Variants in GRXCR1 observed in about 807,000 individuals in gnomAD.
GRXCR1 encodes glutaredoxin domain-containing cysteine-rich protein 1.
In GRXCR1, 27 loss-of-function variants were observed where a neutral mutation model predicts 27.3. The ratio of observed to expected loss-of-function variants is 0.99; its 90% CI spans 0.73 to 1.37. GRXCR1 has a LOEUF of 1.37. GRXCR1 is among the 40% of genes most tolerant of loss of function. The pLI is 0.00. For synonymous variants in GRXCR1, 122 were observed against 131.1 expected (o/e 0.93, Z 0.47); for missense variants, 379 against 354.4 (o/e 1.07, Z -0.56).
chr4:42,967,230 T>C (rs114425570), intron 2 of GRXCR1, among the ~76,000 whole-genome samples: 1,613 of 152,192 alleles, frequency 0.011, 14 homozygotes, highest in Non-Finnish European at 0.015. Context: ...GAAGGAATAA[T>C]GTTTGTGTCT....
At chr4:42,944,052 G>A (rs1040419782) in intron 1 of GRXCR1, among the ~76,000 whole-genome samples, 16 of 152,122 alleles carry the variant, frequency 1.1e-4, no homozygotes, top group African/African-American at 2.2e-4. Context: ...ATTGTAACAC[G>A]TTTGGCAATA....
At chr4:42,966,034 G>A (rs1748230335) in intron 2 of GRXCR1, among the ~76,000 whole-genome samples, 1 of 151,266 alleles carries the variant, frequency 6.6e-6, no homozygotes, top group African/African-American at 2.4e-5. Context: ...TGGAAGCAAT[G>A]AAACAGTCAA....
Position 42,991,130 on chromosome 4 carries a change from C to T in GRXCR1, c.627+27996C>T, listed in dbSNP as rs1711958086. On this transcript the variant is annotated intron_variant, in intron 2 of 3. Coordinates refer to ENST00000399770, the MANE Select transcript of GRXCR1 (RefSeq NM_001080476.3). ...TCGTTGTAAATGAATACTCAGATGG[C>T]CCACTTCACAGCTGCCAGTATTTTA... Among the ~76,000 whole-genome samples, 4 of 152,104 alleles carry T rather than the reference C, an allele frequency of 2.6e-5. No homozygotes were observed. The South Asian group carries it at 8.3e-4, about 32-fold the overall frequency.
intron 1 of GRXCR1, among the ~76,000 whole-genome samples, chr4:42,913,868 C>A (rs1004812734): frequency 2.6e-5 from 4 of 152,134 alleles, no homozygotes; most frequent in African/African-American, 4.8e-5. Context: ...TCCAGTGAGG[C>A]TAAAAGGGGT....
At chr4:42,947,387 G>C (rs1431425935) in intron 1 of GRXCR1, among the ~76,000 whole-genome samples, 1 of 152,084 alleles carries the variant, frequency 6.6e-6, no homozygotes, top group Non-Finnish European at 1.5e-5. Flanking sequence ...AAGCAAGTTA[G>C]AAATCTCCCT....
At chr4:42,912,823 A>G (rs1746754810) in intron 1 of GRXCR1, among the ~76,000 whole-genome samples, 1 of 152,130 alleles carries the variant, frequency 6.6e-6, no homozygotes, top group Non-Finnish European at 1.5e-5. Context: ...TTGCACCTCG[A>G]ATTGTAATAA....
chr4:42,936,019 T>C (rs1470780070), intron 1 of GRXCR1, among the ~76,000 whole-genome samples: 1 of 151,948 alleles, frequency 6.6e-6, no homozygotes, highest in Non-Finnish European at 1.5e-5. Context: ...TTTGTCACTT[T>C]ATGTAATTTA....
In GRXCR1 at chr4:42,947,324, C is replaced by T. The variant is rs547692972; in HGVS notation, c.385-15568C>T. On this transcript the variant is annotated intron_variant, in intron 1 of 3. Coordinates refer to ENST00000399770, the MANE Select transcript of GRXCR1 (RefSeq NM_001080476.3). ...AGACATGTCAGGGAAAACTTAGGGA[C>T]GAGGGATGTTGTATTTGCCAATGGG... is the stretch of plus-strand genomic sequence containing the variant. Among the ~76,000 whole-genome samples, 16 of 152,044 alleles carry T rather than the reference C, an allele frequency of 1.1e-4. No homozygotes were observed. In the East Asian group the frequency reaches 1.2e-3, roughly 11 times the overall value.
chr4:42,983,140 T>C (rs1577931286), intron 2 of GRXCR1, among the ~76,000 whole-genome samples: 1 of 150,958 alleles, frequency 6.6e-6, no homozygotes, highest in South Asian at 2.1e-4. Flanking sequence ...CATGCCTATG[T>C]CCTGAATGGT....
At chr4:42,897,674 A>G (rs1746375116) in intron 1 of GRXCR1, among the ~76,000 whole-genome samples, 1 of 152,106 alleles carries the variant, frequency 6.6e-6, no homozygotes, top group Admixed American at 6.6e-5. Context: ...TTTTGCTGCT[A>G]AGAACAAAGT....
intron 1 of GRXCR1, among the ~76,000 whole-genome samples, chr4:42,911,930 G>T (rs1746730062): frequency 6.6e-6 from 1 of 152,160 alleles, no homozygotes. Context: ...GAGGGGATTA[G>T]TTTACTTGCA....
intron 2 of GRXCR1, among the ~76,000 whole-genome samples, chr4:43,016,188 T>C (rs1399387559): frequency 1.3e-5 from 2 of 152,226 alleles, no homozygotes; most frequent in African/African-American, 2.4e-5. Flanking sequence ...GTCTCACCTA[T>C]GTTCCTTCCA....
chr4:42,958,537 G>A (rs986042092), intron 1 of GRXCR1, among the ~76,000 whole-genome samples: 1 of 151,804 alleles, frequency 6.6e-6, no homozygotes, highest in Non-Finnish European at 1.5e-5. Context: ...CAAAACACAG[G>A]TAATGCAAGG....
chr4:43,020,509 C>T (rs879410526), intron 3 of GRXCR1, 90 bp downstream of exon 3: 3 of 835,716 alleles, frequency 3.6e-6, no homozygotes, highest in Non-Finnish European at 6.2e-6. Flanking sequence ...AATTCTCTCT[C>T]CCCATGTTCT....
At chr4:42,972,876 A>C (rs980739010) in intron 2 of GRXCR1, among the ~76,000 whole-genome samples, 1 of 152,148 alleles carries the variant, frequency 6.6e-6, no homozygotes, top group Non-Finnish European at 1.5e-5. Context: ...GCATATTTAC[A>C]TGCTGAATTA....
chr4:42,937,715 A>G (rs913583145), intron 1 of GRXCR1, among the ~76,000 whole-genome samples: 1 of 151,916 alleles, frequency 6.6e-6, no homozygotes, highest in Non-Finnish European at 1.5e-5. Context: ...ATCACCCATC[A>G]TCTATTTACT....
At chr4:42,911,568 T>C (rs1746723148) in intron 1 of GRXCR1, among the ~76,000 whole-genome samples, 1 of 152,082 alleles carries the variant, frequency 6.6e-6, no homozygotes, top group Admixed American at 6.6e-5. Context: ...TTTCTGGTGA[T>C]AGAAGGGCAA....
At chr4:42,964,470 A>G (rs1302903453) in intron 2 of GRXCR1, among the ~76,000 whole-genome samples, 1 of 152,058 alleles carries the variant, frequency 6.6e-6, no homozygotes, top group African/African-American at 2.4e-5. Context: ...AACTTATCCC[A>G]TAGGCTGATT....
At chr4:42,969,650 G>A (rs916630361) in intron 2 of GRXCR1, among the ~76,000 whole-genome samples, 1 of 152,018 alleles carries the variant, frequency 6.6e-6, no homozygotes, top group Admixed American at 6.6e-5. Context: ...CAACAACGGG[G>A]AAGTCTGCCT....
Sources: gnomAD v4.1 joint callset for allele counts (sites outside exome capture counted in the v4.1 genomes callset) on GRCh38, gnomAD v4.1.1 for gene constraint, MANE v1.5 for transcripts, NCBI Gene and HGNC (gene_info 2026-07-23, HGNC 2026-07-21) for gene names.